COG2: variants seen among roughly 807,000 people sequenced by gnomAD.
The protein encoded by COG2 is conserved oligomeric Golgi complex subunit 2.
A neutral mutation model predicts 90.6 loss-of-function variants in COG2; 52 were observed. That is an observed-to-expected ratio of 0.57 (90% CI 0.46 to 0.72). COG2 has a LOEUF of 0.72. Among genes scored for constraint, COG2 ranks in the 30% least tolerant of loss-of-function variants. The pLI, the probability that COG2 is intolerant of heterozygous loss-of-function variation, is 0.00. For missense variants in COG2, 829 were observed against 891.2 expected (o/e 0.93, Z 0.89); for synonymous variants, 337 against 320.4 (o/e 1.05, Z -0.55).
chr1:230,678,926 G>A lies in COG2; in HGVS notation c.1040G>A (p.Ser347Asn), dbSNP rs370562001. 8 of 1,612,158 alleles carry A rather than the reference G, an allele frequency of 5.0e-6. No individual in the cohort carries two copies. The highest frequency in any genetic ancestry group is 6.8e-6 in the Non-Finnish European group (8 of 1,178,864). ...GTTTTATTTTAGAAATATACCATAA[G>A]TATGGATTTTGTCAGAAGATTGGAA... ...PDAFHEKYTISMDFVRRLERQ... is the reference protein window; with the variant it reads ...PDAFHEKYTINMDFVRRLERQ... The change falls in exon 10 of 18, where the codon AGT becomes AAT. Residue 347 changes from serine (S) to asparagine (N), a missense_variant. Physicochemically the swap from Ser to Asn is conservative, Grantham distance 46. Coordinates refer to ENST00000366669, the MANE Select transcript of COG2 (RefSeq NM_007357.3).
rs74856279 is a variant in COG2, at chr1:230,692,759, C to T, written c.2116-533C>T. On this transcript the variant is annotated intron_variant, in intron 17 of 17. Coordinates refer to ENST00000366669, the MANE Select transcript of COG2 (RefSeq NM_007357.3). ...TGTGTGTGGTGCGTGTGTGTGTGTGCGTGTATGGATGTATACGTGTGTGTG... is the reference window on the plus strand; with the variant it reads ...TGTGTGTGGTGCGTGTGTGTGTGTGTGTGTATGGATGTATACGTGTGTGTG... 4.1e-3 allele frequency among the ~76,000 whole-genome samples: 602 copies of T among 147,336 alleles called. 5 individuals carry two copies. The highest frequency in any genetic ancestry group is 0.015 in the African/African-American group (585 of 40,010).
chr1:230,684,683 T>C (rs1571962340), intron 11 of COG2, among the ~76,000 whole-genome samples: 1 of 152,346 alleles, frequency 6.6e-6, no homozygotes, highest in East Asian at 1.9e-4. Flanking sequence ...TCTATAAAAA[T>C]AAGAAGTATG....
At position 230,671,605 on chromosome 1, in the gene COG2, C is replaced by A. The variant is rs764421729; in HGVS notation, c.864C>A (p.Arg288=). 2.5e-6 allele frequency: 4 copies of A among 1,613,796 alleles called. No individual in the cohort carries two copies. The East Asian group carries it at 6.7e-5, about 27-fold the overall frequency. ...KLLEFVPHHC[R]LLREVTGGAI... is the part of the protein sequence containing the mutation. The stretch of plus-strand genomic sequence containing the variant: ...TGGAGTTTGTTCCTCACCATTGCCG[C>A]CTTCTTCGAGAAGTCACAGGAGGTG... The change falls in exon 8 of 18, where the codon CGC becomes CGA. Residue 288 remains arginine (R), a synonymous_variant. Transcript: ENST00000366669.
At chr1:230,668,887 C>A in intron 6 of COG2, 103 bp downstream of exon 6, 1 of 717,558 alleles carries the variant, frequency 1.4e-6, no homozygotes, top group Non-Finnish European at 2.2e-6. Context: ...TTGAAGCTAA[C>A]CTTGCATTTT....
intron 12 of COG2, among the ~76,000 whole-genome samples, chr1:230,685,866 C>T (rs1234206088): frequency 6.6e-6 from 1 of 152,054 alleles, no homozygotes; most frequent in African/African-American, 2.4e-5. Flanking sequence ...CTGGGGACAG[C>T]GTGAGTAACA....
intron 1 of COG2, among the ~76,000 whole-genome samples, chr1:230,652,847 C>G (rs979776421): frequency 6.6e-6 from 1 of 152,032 alleles, no homozygotes; most frequent in African/African-American, 2.4e-5. Context: ...GCTTGCCCAC[C>G]CCAGCTTTAT....
chr1:230,647,037 C>T (rs1661804938), intron 1 of COG2, among the ~76,000 whole-genome samples: 1 of 152,008 alleles, frequency 6.6e-6, no homozygotes, highest in South Asian at 2.1e-4. Flanking sequence ...TGTTCTACAT[C>T]ACAGGCAGGG....
rs1256578056 is a variant in COG2 at position 230,685,220 on chromosome 1, CTGTGTT to C, written c.1368_1373del (p.Phe457_Val458del). On this transcript the variant is annotated inframe_deletion, in exon 12 of 18. Coordinates refer to ENST00000366669, the MANE Select transcript of COG2 (RefSeq NM_007357.3). Reference sequence around the variant, plus strand: ...ACTCTGCAGATTTTGGCACGATACTCTGTGTTTGTCAATGAGGTAAGGGCTGGCTGT... The same window carrying C: ...ACTCTGCAGATTTTGGCACGATACTCTGTCAATGAGGTAAGGGCTGGCTGT... 3.7e-6 allele frequency: 6 copies of C among 1,614,134 alleles called. No individual in the cohort carries two copies. In the South Asian group the frequency reaches 6.6e-5, roughly 18 times the overall value.
intron 9 of COG2, chr1:230,678,263 C>T: frequency 1.0e-6 from 1 of 985,334 alleles, no homozygotes; most frequent in Non-Finnish European, 1.2e-6. Flanking sequence ...AGCAGGTTCT[C>T]TGTGAGCCTC....
At position 230,678,906 on chromosome 1, in the gene COG2, A is replaced by G. The variant is rs770551453; in HGVS notation, c.1027-7A>G. On this transcript the variant is annotated splice_polypyrimidine_tract_variant and splice_region_variant and intron_variant, in intron 9 of 17. Coordinates refer to ENST00000366669, the MANE Select transcript of COG2 (RefSeq NM_007357.3). The stretch of plus-strand genomic sequence containing the variant: ...ATAATGAAAATTTTCCTTTTGTTTT[A>G]TTTTAGAAATATACCATAAGTATGG... The G allele has an allele frequency of 3.1e-6, 5 of 1,608,132 alleles. No individual in the cohort carries two copies. Among genetic ancestry groups the G allele is most frequent in the Middle Eastern group, 1.7e-4 (1 of 6,036 alleles).
At chr1:230,646,202 ATGT>A (rs1420452548) in intron 1 of COG2, among the ~76,000 whole-genome samples, 3 of 152,058 alleles carry the variant, frequency 2.0e-5, no homozygotes, top group Non-Finnish European at 4.4e-5. Context: ...TCACAGCCAA[ATGT>A]TGTCTTTACT....
intron 3 of COG2, 118 bp downstream of exon 3, chr1:230,660,941 A>G: frequency 1.8e-6 from 1 of 568,550 alleles, no homozygotes; most frequent in Non-Finnish European, 3.0e-6. Context: ...TTGAATGTTT[A>G]GTAATTATAA....
chr1:230,690,027 C>G lies in COG2; in HGVS notation c.1808C>G (p.Thr603Arg). 6.3e-7 allele frequency: 1 copy of G among 1,597,092 alleles called. No homozygotes were observed. Among genetic ancestry groups the G allele is most frequent in the Non-Finnish European group, 8.5e-7 (1 of 1,173,048 alleles). Reference sequence around the variant, plus strand: ...TCATCATTCCAGGAGGTCCCAACCACAGCTTCCTCCTATGTGGACAGTGCT... The same window carrying G: ...TCATCATTCCAGGAGGTCCCAACCAGAGCTTCCTCCTATGTGGACAGTGCT... ...YRRTNKEVPT[T>R]ASSYVDSALK... Residue 603 changes from threonine to arginine, a missense_variant, in exon 16 of 18, where the codon ACA becomes AGA. Coordinates refer to ENST00000366669, the MANE Select transcript of COG2 (RefSeq NM_007357.3).
Position 230,659,402 on chromosome 1 carries a change from A to T in COG2, c.73-62A>T, listed in dbSNP as rs139561919. On this transcript the variant is annotated intron_variant, in intron 1 of 17. Coordinates refer to ENST00000366669, the MANE Select transcript of COG2 (RefSeq NM_007357.3). ...GCTTTCTTACTCTTTCTTCCATTTC[A>T]TTTGTATATGTCACTGTGATATCAT... The T allele has an allele frequency of 5.2e-3, 6,807 of 1,317,586 alleles. 27 individuals carry two copies. The highest frequency in any genetic ancestry group is 6.6e-3 in the Non-Finnish European group (6,071 of 917,522). 81.6% of individuals were successfully genotyped at this position (1,317,586 alleles called of 1,614,324 possible). A position where few individuals can be genotyped will look rare whatever the true frequency, so the allele number is the denominator to read the frequency against.
chr1:230,658,780 A>C (rs1035697821), intron 1 of COG2, among the ~76,000 whole-genome samples: 9 of 152,200 alleles, frequency 5.9e-5, no homozygotes, highest in Non-Finnish European at 7.3e-5. Context: ...TAGTCTGGCC[A>C]CAGCGGCCTT....
At chr1:230,675,726 T>C (rs1416878854) in intron 9 of COG2, among the ~76,000 whole-genome samples, 1 of 152,168 alleles carries the variant, frequency 6.6e-6, no homozygotes, top group Non-Finnish European at 1.5e-5. Context: ...CACTGCAGTC[T>C]TCGACTCCTG....
chr1:230,662,105 T>C (rs1662195434), intron 3 of COG2, among the ~76,000 whole-genome samples: 1 of 152,116 alleles, frequency 6.6e-6, no homozygotes, highest in African/African-American at 2.4e-5. Flanking sequence ...CGAATTCTGC[T>C]CTGTCATTGT....
intron 3 of COG2, among the ~76,000 whole-genome samples, chr1:230,661,829 A>T (rs1230183254): frequency 2.6e-5 from 4 of 151,848 alleles, no homozygotes; most frequent in Admixed American, 6.5e-5. Context: ...TTGATTTTTT[A>T]AAAAAGCTTT....
chr1:230,669,510 T>G lies in COG2; in HGVS notation c.749T>G (p.Val250Gly). The change falls in exon 7 of 18, where the codon GTA becomes GGA. Residue 250 changes from valine to glycine, a missense_variant. Physicochemically the swap from Val to Gly is moderately radical, Grantham distance 109. Transcript: ENST00000366669. Reference sequence around the variant, plus strand: ...GACGCGGAGGCCTTAGTTGGCCAAGTACTAGTGAAACCATACATAGACGAG... The same window carrying G: ...GACGCGGAGGCCTTAGTTGGCCAAGGACTAGTGAAACCATACATAGACGAG... ...TRDAEALVGQ[V>G]LVKPYIDEVI... 3 of 1,613,966 alleles carry G rather than the reference T, an allele frequency of 1.9e-6. No homozygotes were observed. The highest frequency in any genetic ancestry group is 2.5e-6 in the Non-Finnish European group (3 of 1,179,928).
Sources: gnomAD v4.1 joint callset for allele counts (sites outside exome capture counted in the v4.1 genomes callset) on GRCh38, gnomAD v4.1.1 for gene constraint, MANE v1.5 for transcripts, NCBI Gene and HGNC (gene_info 2026-07-23, HGNC 2026-07-21) for gene names.